TTC13: variants seen among roughly 807,000 people sequenced by gnomAD.
TTC13 encodes the protein tetratricopeptide repeat domain 13, also known as tetratricopeptide repeat protein 13.
A neutral mutation model predicts 120.0 loss-of-function variants in TTC13; 62 were observed. The observed-to-expected ratio is 0.52, with a 90% CI of 0.42 to 0.64. The LOEUF is 0.64. Among genes scored for constraint, TTC13 ranks in the 30% least tolerant of loss-of-function variants. TTC13 has a pLI of 0.00. For synonymous variants in TTC13, 384 were observed against 393.5 expected, an observed-to-expected ratio of 0.98 and a Z score of 0.28; for missense variants, 824 against 1,050.2, an observed-to-expected ratio of 0.78 and a Z score of 2.98.
intron 14 of TTC13, among the ~76,000 whole-genome samples, chr1:230,924,494 A>G (rs1192878186): frequency 6.6e-6 from 1 of 152,058 alleles, no homozygotes; most frequent in Non-Finnish European, 1.5e-5. Context: ...CACCACGCCC[A>G]GCTAATTTTT....
At chr1:230,964,840 A>G (rs1676977357) in intron 1 of TTC13, among the ~76,000 whole-genome samples, 1 of 152,226 alleles carries the variant, frequency 6.6e-6, no homozygotes. Context: ...CCTACAGTGA[A>G]CTCATTTTTG....
At chr1:230,915,907 C>CA (rs1456836707) in intron 18 of TTC13, among the ~76,000 whole-genome samples, 1 of 151,718 alleles carries the variant, frequency 6.6e-6, no homozygotes, top group Admixed American at 6.6e-5. Context: ...TCCCTCGCCC[C>CA]CCCAAGGAAC....
chr1:230,975,822 T>C (rs952876877), intron 1 of TTC13, among the ~76,000 whole-genome samples: 1 of 152,018 alleles, frequency 6.6e-6, no homozygotes, highest in African/African-American at 2.4e-5. Flanking sequence ...TGGGTGGGGC[T>C]CAGCCCACTG....
chr1:230,949,799 C>CCT, intron 4 of TTC13, among the ~76,000 whole-genome samples: 1 of 152,166 alleles, frequency 6.6e-6, no homozygotes, highest in Admixed American at 6.5e-5. Context: ...GCGCCAGCCA[C>CCT]CATGCCCAGC....
At chr1:230,911,270 T>C in intron 20 of TTC13, 200 bp downstream of exon 20, 1 of 406,058 alleles carries the variant, frequency 2.5e-6, no homozygotes, top group Non-Finnish European at 4.4e-6. Flanking sequence ...GTAAGCACAC[T>C]ATATTAGAAC....
Position 230,908,749 on chromosome 1 carries a change from A to C in TTC13, c.2431T>G (p.Phe811Val). The change falls in exon 22 of 23, where the codon TTT (phenylalanine) becomes GTT (valine). Residue 811 changes from phenylalanine (F) to valine (V), a missense_variant. Phe to Val is a conservative substitution (Grantham distance 50). This residue lies in a region of TTC13 where 226 missense variants were observed against 259.1 expected (regional missense o/e 0.87). Coordinates refer to ENST00000366661, the MANE Select transcript of TTC13 (RefSeq NM_024525.5). ...EAMTAPGSEA[F>V]SKVAKSWMNL... ...ATCCAGCTTTTGGCGACTTTGCTAA[A>C]GGCCTCTGAACCAGGGGCTGTCATA... 6.2e-7 allele frequency: 1 copy of C among 1,613,784 alleles called. No individual in the cohort carries two copies. Among genetic ancestry groups the C allele is most frequent in the Non-Finnish European group, 8.5e-7 (1 of 1,179,676 alleles).
chr1:230,954,480 T>C, intron 3 of TTC13, 77 bp from the exon 4 acceptor site: 1 of 1,156,396 alleles, frequency 8.6e-7, no homozygotes, highest in South Asian at 1.5e-5. Context: ...AATGCTTTGG[T>C]AAATCTCCAA....
intron 3 of TTC13, among the ~76,000 whole-genome samples, chr1:230,955,724 G>A (rs1158794894): frequency 6.6e-6 from 1 of 150,832 alleles, no homozygotes; most frequent in African/African-American, 2.4e-5. Flanking sequence ...ACGAAATGCA[G>A]GAAGAGTTTA....
At position 230,906,687 on chromosome 1, in the gene TTC13, T is replaced by A. The variant is rs971770730; in HGVS notation, c.*218A>T. 2.4e-5 allele frequency: 7 copies of A among 287,562 alleles called. No homozygotes were observed. Among genetic ancestry groups the A allele is most frequent in the Non-Finnish European group, 4.5e-5 (7 of 154,816 alleles). The allele number at this position is 287,562 out of a possible 1,614,324, so 17.8% of individuals were successfully genotyped here. Reference sequence around the variant, plus strand: ...CAGGCTGCCGGCTAATACATACGCTTTCCCTCCAAGTCAAGTAGCTTTTTC... The same window carrying A: ...CAGGCTGCCGGCTAATACATACGCTATCCCTCCAAGTCAAGTAGCTTTTTC... On this transcript the variant is annotated 3_prime_UTR_variant, in exon 23 of 23. Transcript: ENST00000366661.
chr1:230,911,821 T>C (rs978731531), intron 19 of TTC13, among the ~76,000 whole-genome samples: 1 of 152,210 alleles, frequency 6.6e-6, no homozygotes, highest in African/African-American at 2.4e-5. Context: ...TTAACGTTAT[T>C]TGAAATGTCA....
chr1:230,932,052 C>G (rs971828417), intron 9 of TTC13, among the ~76,000 whole-genome samples, 175 bp from the exon 10 acceptor site: 5 of 152,144 alleles, frequency 3.3e-5, no homozygotes, highest in Non-Finnish European at 5.9e-5. Flanking sequence ...CTAAATCTCA[C>G]CAGCTCATAG....
chr1:230,909,918 C>T (rs1416405109), intron 20 of TTC13, among the ~76,000 whole-genome samples: 1 of 152,026 alleles, frequency 6.6e-6, no homozygotes, highest in Non-Finnish European at 1.5e-5. Flanking sequence ...ATTTGTAAGA[C>T]GTTGTGCTTC....
intron 1 of TTC13, among the ~76,000 whole-genome samples, chr1:230,964,701 T>C (rs1676962524): frequency 6.6e-6 from 1 of 152,230 alleles, no homozygotes; most frequent in African/African-American, 2.4e-5. Flanking sequence ...GTTTCTATAC[T>C]TGCTTTTAAA....
intron 1 of TTC13, among the ~76,000 whole-genome samples, chr1:230,967,595 GCT>G (rs1403849074): frequency 6.6e-6 from 1 of 151,988 alleles, no homozygotes; most frequent in East Asian, 1.9e-4. Context: ...TCTTTTAATT[GCT>G]TGCTAATATT....
chr1:230,936,451 T>C (rs1328860979), intron 8 of TTC13: 1 of 324,090 alleles, frequency 3.1e-6, no homozygotes, highest in Non-Finnish European at 6.1e-6. Flanking sequence ...CCTAGGGCTG[T>C]TCCTTGTAAC....
intron 4 of TTC13, among the ~76,000 whole-genome samples, chr1:230,953,117 C>T (rs1431349963): frequency 6.6e-6 from 1 of 152,088 alleles, no homozygotes; most frequent in East Asian, 1.9e-4. Context: ...TATAACATTG[C>T]CAATACTTAA....
intron 15 of TTC13, among the ~76,000 whole-genome samples, chr1:230,922,303 A>C (rs1672653472): frequency 6.6e-6 from 1 of 152,010 alleles, no homozygotes; most frequent in South Asian, 2.1e-4. Context: ...CTTCCTCTCC[A>C]ACTCACTACC....
At position 230,933,768 on chromosome 1, in the gene TTC13, A is replaced by C. The variant is rs568254398; in HGVS notation, c.983+11T>G. ...CCTCCCTCCTACCCCAACTGTTATT[A>C]TTTTACTCACCTATATGCCTGCCCT... On this transcript the variant is annotated intron_variant, in intron 9 of 22. Transcript: ENST00000366661. The C allele has an allele frequency of 6.5e-7, 1 of 1,541,200 alleles. No homozygotes were observed. Among genetic ancestry groups the C allele is most frequent in the South Asian group, 1.2e-5 (1 of 84,568 alleles).
At position 230,943,239 on chromosome 1, in the gene TTC13, GT is replaced by G. The variant is rs899380227; in HGVS notation, c.672+566del. Among the ~76,000 whole-genome samples, 439 of 150,388 alleles carry G rather than the reference GT, an allele frequency of 2.9e-3. 2 individuals are homozygous for G. The highest frequency in any genetic ancestry group is 9.8e-3 in the African/African-American group (403 of 40,920). On this transcript the variant is annotated intron_variant, in intron 6 of 22. Transcript: ENST00000366661. ...TTTTCTTTTGTGTTATATTTTTTGT[GT>G]TTTTTTTTAAATTTTATTATTATTA...
Sources: gnomAD v4.1 joint callset for allele counts (sites outside exome capture counted in the v4.1 genomes callset) on GRCh38, gnomAD v4.1.1 for gene constraint, gnomAD v4.1.1 regional missense constraint, MANE v1.5 for transcripts, NCBI Gene and HGNC (gene_info 2026-07-23, HGNC 2026-07-21) for gene names.